SCP2: variants seen among roughly 807,000 people sequenced by gnomAD.
SCP2 encodes the protein sterol carrier protein 2.
In SCP2, 48 loss-of-function variants were observed where a neutral mutation model predicts 71.4. That is an observed-to-expected ratio of 0.67 (90% CI 0.53 to 0.86). The LOEUF is 0.86. SCP2 is among the 40% of genes least tolerant of loss of function. SCP2 has a pLI of 0.00. For synonymous variants in SCP2, 220 were observed against 218.1 expected (o/e 1.01, Z -0.08); for missense variants, 560 against 655.6 (o/e 0.85, Z 1.59).
At chr1:52,993,600 C>T in intron 11 of SCP2, 1 of 1,606,908 alleles carries the variant, frequency 6.2e-7, no homozygotes, top group Non-Finnish European at 8.5e-7. Context: ...TCTTCTTGTC[C>T]TGCTGTATCC....
chr1:53,037,929 CAG>C lies in SCP2; in HGVS notation c.1339-986_1339-985del, dbSNP rs1491316241. On this transcript the variant is annotated intron_variant, in intron 13 of 15. Coordinates refer to ENST00000371514, the MANE Select transcript of SCP2 (RefSeq NM_002979.5). The stretch of plus-strand genomic sequence containing the variant: ...ACACACACACACACACACACACACA[CAG>C]ATCCAGATCCTGTCTCTATACACAC... Among the ~76,000 whole-genome samples, 66 of 120,856 alleles carry C rather than the reference CAG, an allele frequency of 5.5e-4. No individual in the cohort carries two copies. In the East Asian group the frequency reaches 6.8e-3, roughly 12 times the overall value. The allele number at this position is 120,856 out of a possible 152,430, so 79.3% of individuals were successfully genotyped here.
chr1:52,941,335 A>G (rs1416837138), intron 1 of SCP2, among the ~76,000 whole-genome samples: 1 of 152,212 alleles, frequency 6.6e-6, no homozygotes, highest in African/African-American at 2.4e-5. Flanking sequence ...TTAGACTGGA[A>G]GCACTCTGAG....
chr1:53,019,375 T>A (rs1661560481), intron 12 of SCP2, among the ~76,000 whole-genome samples: 1 of 152,222 alleles, frequency 6.6e-6, no homozygotes, highest in Admixed American at 6.5e-5. Context: ...ACTCATGAAT[T>A]CTTATTGTAT....
At chr1:52,960,254 A>G (rs1487925528) in intron 5 of SCP2, among the ~76,000 whole-genome samples, 1 of 151,238 alleles carries the variant, frequency 6.6e-6, no homozygotes, top group Non-Finnish European at 1.5e-5. Context: ...CTCATTTTCT[A>G]TTTCAATCTG....
intron 4 of SCP2, among the ~76,000 whole-genome samples, chr1:52,952,914 T>A (rs943404031): frequency 2.0e-5 from 3 of 152,128 alleles, no homozygotes; most frequent in Non-Finnish European, 4.4e-5. Context: ...TTTTATTAGG[T>A]CCTCTCTCTG....
chr1:52,980,161 A>G (rs960003514), intron 9 of SCP2, among the ~76,000 whole-genome samples: 1 of 152,068 alleles, frequency 6.6e-6, no homozygotes, highest in Non-Finnish European at 1.5e-5. Context: ...ATTTGTAGAG[A>G]CAGGATCTTC....
chr1:52,997,421 G>A (rs1232649812), intron 11 of SCP2, among the ~76,000 whole-genome samples: 3 of 152,054 alleles, frequency 2.0e-5, no homozygotes, highest in African/African-American at 4.8e-5. Context: ...CACCCTCCTC[G>A]GCCTTCCAGA....
At chr1:53,037,962 C>T (rs200088832) in intron 13 of SCP2, among the ~76,000 whole-genome samples, 2,651 of 84,920 alleles carry the variant, frequency 0.031, 123 homozygotes, top group African/African-American at 0.27. Context: ...CACACACACA[C>T]ACACACACAC....
At chr1:52,961,393 C>G in intron 5 of SCP2, 110 bp from the exon 6 acceptor site, 1 of 1,112,802 alleles carries the variant, frequency 9.0e-7, no homozygotes, top group Non-Finnish European at 1.3e-6. Context: ...TTGACAATTT[C>G]TGGTGTACTA....
intron 5 of SCP2, 119 bp downstream of exon 5, chr1:52,954,923 A>G (rs1655662843): frequency 6.1e-6 from 5 of 821,816 alleles, no homozygotes; most frequent in South Asian, 1.4e-5. Context: ...CTTAGAGATA[A>G]TTTTGTTCAA....
chr1:52,957,470 C>CAAAA (rs922524515), intron 5 of SCP2, among the ~76,000 whole-genome samples: 1 of 151,610 alleles, frequency 6.6e-6, no homozygotes, highest in Non-Finnish European at 1.5e-5. Flanking sequence ...CTAGCTCTGC[C>CAAAA]AAAAAAACAA....
chr1:52,980,321 C>A, intron 9 of SCP2, 75 bp from the exon 10 acceptor site: 1 of 1,353,242 alleles, frequency 7.4e-7, no homozygotes, highest in Non-Finnish European at 1.0e-6. Flanking sequence ...GGTTATGCAT[C>A]TATTAATCTC....
At chr1:52,959,719 A>T (rs797003481) in intron 5 of SCP2, among the ~76,000 whole-genome samples, 1 of 151,874 alleles carries the variant, frequency 6.6e-6, no homozygotes, top group Non-Finnish European at 1.5e-5. Context: ...AAAGTCATTC[A>T]TGTTATTCCC....
intron 11 of SCP2, chr1:52,995,877 A>T: frequency 1.4e-6 from 2 of 1,431,966 alleles, no homozygotes; most frequent in South Asian, 1.4e-5. Context: ...GCCTTCCTCC[A>T]CTGGTACACA....
At chr1:53,002,939 C>T (rs1269176503) in intron 11 of SCP2, among the ~76,000 whole-genome samples, 7 of 152,254 alleles carry the variant, frequency 4.6e-5, no homozygotes, top group South Asian at 4.2e-4. Flanking sequence ...GGCCTAAATC[C>T]AATATAAACT....
intron 14 of SCP2, 74 bp downstream of exon 14, chr1:53,039,120 C>G: frequency 1.3e-6 from 2 of 1,546,880 alleles, no homozygotes; most frequent in Non-Finnish European, 1.8e-6. Context: ...AAATGGGGGT[C>G]TGCTTTACTG....
intron 11 of SCP2, among the ~76,000 whole-genome samples, chr1:53,012,200 C>T (rs1391524003): frequency 6.6e-6 from 1 of 152,254 alleles, no homozygotes; most frequent in Non-Finnish European, 1.5e-5. Flanking sequence ...CAGAAAGGGA[C>T]CTGCCCCACG....
intron 11 of SCP2, among the ~76,000 whole-genome samples, chr1:53,000,762 A>T (rs1056734685): frequency 6.6e-6 from 1 of 152,054 alleles, no homozygotes; most frequent in Admixed American, 6.6e-5. Context: ...TTCGAGACCA[A>T]CCTGGGCAAG....
At position 52,974,974 on chromosome 1, in the gene SCP2, C is replaced by T. The variant is rs151158531; in HGVS notation, c.587+142C>T. 5.6e-4 allele frequency: 354 copies of T among 635,696 alleles called. 1 individual carries two copies. The African/African-American group carries it at 5.9e-3, about 11-fold the overall frequency. The allele number at this position is 635,696 out of a possible 1,614,324, so 39.4% of individuals were successfully genotyped here. The stretch of plus-strand genomic sequence containing the variant: ...ATTTTTTTCTTACAAAAGGCTTATA[C>T]GCAAGTAAACTTTTGACAACTTTTC... On this transcript the variant is annotated intron_variant, in intron 7 of 15. Transcript: ENST00000371514.
Sources: gnomAD v4.1 joint callset for allele counts (sites outside exome capture counted in the v4.1 genomes callset) on GRCh38, gnomAD v4.1.1 for gene constraint, MANE v1.5 for transcripts, NCBI Gene and HGNC (gene_info 2026-07-23, HGNC 2026-07-21) for gene names.